Variants in ADGRL3 observed in about 807,000 individuals in gnomAD.
ADGRL3 encodes calcium-independent alpha-latrotoxin receptor 3.
Under a neutral mutation model 153.5 loss-of-function variants are expected in ADGRL3, and 62 were observed. The ratio of observed to expected loss-of-function variants is 0.40; its 90% confidence interval spans 0.33 to 0.50. ADGRL3 has a LOEUF of 0.50. ADGRL3 is among the 20% of genes least tolerant of loss of function. ADGRL3 has a pLI of 0.47. For missense variants in ADGRL3, 1,641 were observed against 1,859.4 expected, an observed-to-expected ratio of 0.88 and a Z score of 2.16; for synonymous variants, 710 against 672.5, an observed-to-expected ratio of 1.06 and a Z score of -0.86.
At chr4:62,064,812 G>A (rs1365702994) in intron 25 of ADGRL3, among the ~76,000 whole-genome samples, 1 of 151,946 alleles carries the variant, frequency 6.6e-6, no homozygotes, top group Non-Finnish European at 1.5e-5. Context: ...GCTTCCCCAG[G>A]AGGCATCTTG....
At chr4:61,514,260 C>T (rs550961973) in intron 3 of ADGRL3, among the ~76,000 whole-genome samples, 12 of 152,036 alleles carry the variant, frequency 7.9e-5, no homozygotes, top group Non-Finnish European at 1.8e-4. Flanking sequence ...CAGAGCAAAA[C>T]CTCTTGACGT....
At chr4:61,728,225 T>C (rs1357856218) in intron 6 of ADGRL3, among the ~76,000 whole-genome samples, 2 of 152,012 alleles carry the variant, frequency 1.3e-5, no homozygotes, top group African/African-American at 4.8e-5. Flanking sequence ...ATGGGCAAGA[T>C]CATAATAATT....
At chr4:61,783,205 G>A (rs2097235530) in intron 8 of ADGRL3, among the ~76,000 whole-genome samples, 1 of 152,040 alleles carries the variant, frequency 6.6e-6, no homozygotes, top group Admixed American at 6.6e-5. Flanking sequence ...GTGGCTTAAG[G>A]GATTCTGTGA....
intron 5 of ADGRL3, among the ~76,000 whole-genome samples, chr4:61,671,220 A>T (rs1391069569): frequency 6.6e-6 from 1 of 152,184 alleles, no homozygotes; most frequent in Non-Finnish European, 1.5e-5. Context: ...TGTTGTGGCA[A>T]ATAGAGGAAA....
intron 4 of ADGRL3, among the ~76,000 whole-genome samples, chr4:61,542,353 T>C (rs1389783467): frequency 6.6e-6 from 1 of 152,190 alleles, no homozygotes; most frequent in Non-Finnish European, 1.5e-5. Flanking sequence ...TGTTTGTAGC[T>C]GCTCAAATAA....
intron 4 of ADGRL3, among the ~76,000 whole-genome samples, chr4:61,566,375 C>A (rs1434977255): frequency 6.6e-6 from 1 of 152,042 alleles, no homozygotes; most frequent in Non-Finnish European, 1.5e-5. Context: ...CTGTAAAGAC[C>A]CTGTCTTCCA....
In ADGRL3 at chr4:61,333,531, G is replaced by A. The variant is rs145808988; in HGVS notation, c.-239-49593G>A. The stretch of plus-strand genomic sequence containing the variant: ...ACTTATTTAAATTTTTAGTTTTATG[G>A]CATTTCTTAATCTTAGTATTACCAA... On this transcript the variant is annotated intron_variant, in intron 1 of 26. Coordinates refer to ENST00000683033, the MANE Select transcript of ADGRL3 (RefSeq NM_001387552.1). 3.0e-3 allele frequency among the ~76,000 whole-genome samples: 451 copies of A among 151,972 alleles called. 3 individuals are homozygous for A. Among genetic ancestry groups the A allele is most frequent in the Middle Eastern group, 0.01 (3 of 292 alleles).
rs150787794 is a variant in ADGRL3 at position 61,481,120 on chromosome 4, G to A, written c.-173-16001G>A. Among the ~76,000 whole-genome samples, 12 of 152,238 alleles carry A rather than the reference G, an allele frequency of 7.9e-5. No homozygotes were observed. The South Asian group carries it at 1.0e-3, about 13-fold the overall frequency. On this transcript the variant is annotated intron_variant, in intron 2 of 26. Coordinates refer to ENST00000683033, the MANE Select transcript of ADGRL3 (RefSeq NM_001387552.1). ...AGCCAGGGTTTCAAATTATATAATT[G>A]CAATGACCTAATTAATACAATGACC...
intron 23 of ADGRL3, among the ~76,000 whole-genome samples, chr4:62,036,980 T>C (rs1181897963): frequency 6.6e-6 from 1 of 152,030 alleles, no homozygotes; most frequent in East Asian, 1.9e-4. Flanking sequence ...CAGCTAAAAC[T>C]CTTCTTTTTC....
At position 61,798,531 on chromosome 4, in the gene ADGRL3, T is replaced by C. The variant is rs149233938; in HGVS notation, c.1400-15278T>C. On this transcript the variant is annotated intron_variant, in intron 8 of 26. Coordinates refer to ENST00000683033, the MANE Select transcript of ADGRL3 (RefSeq NM_001387552.1). Reference sequence around the variant, plus strand: ...ATGATTCTTGGCAAAGGTAATATTGTACATCTTCCTCTGCCATATTTAACA... The same window carrying C: ...ATGATTCTTGGCAAAGGTAATATTGCACATCTTCCTCTGCCATATTTAACA... 2.1e-3 allele frequency among the ~76,000 whole-genome samples: 314 copies of C among 152,302 alleles called. 5 individuals carry two copies. The highest frequency in any genetic ancestry group is 5.8e-4 in the East Asian group (3 of 5,184).
At chr4:61,688,566 C>A (rs950807024) in intron 6 of ADGRL3, among the ~76,000 whole-genome samples, 1 of 152,128 alleles carries the variant, frequency 6.6e-6, no homozygotes, top group Non-Finnish European at 1.5e-5. Flanking sequence ...AATGCTCAGT[C>A]TCTCATAGCC....
chr4:61,951,580 G>A (rs1208521237), intron 17 of ADGRL3, among the ~76,000 whole-genome samples: 1 of 152,118 alleles, frequency 6.6e-6, no homozygotes, highest in Non-Finnish European at 1.5e-5. Context: ...CTTTAGATTA[G>A]ACTGGCTGGG....
At chr4:61,495,500 G>A in intron 2 of ADGRL3, among the ~76,000 whole-genome samples, 1 of 151,284 alleles carries the variant, frequency 6.6e-6, no homozygotes, top group East Asian at 1.9e-4. Flanking sequence ...GAAGGGGAAG[G>A]GAAGGGAAGG....
intron 9 of ADGRL3, among the ~76,000 whole-genome samples, chr4:61,862,487 A>T (rs956408798): frequency 3.3e-5 from 5 of 152,156 alleles, no homozygotes; most frequent in African/African-American, 1.2e-4. Context: ...GGACCGGGAT[A>T]TTATGCTGAA....
intron 8 of ADGRL3, among the ~76,000 whole-genome samples, chr4:61,764,155 T>G (rs1282225130): frequency 1.3e-5 from 2 of 152,160 alleles, no homozygotes; most frequent in Non-Finnish European, 2.9e-5. Flanking sequence ...ATAAATTAAT[T>G]TGGTAACACT....
chr4:62,055,989 G>T (rs1213959029), intron 25 of ADGRL3, among the ~76,000 whole-genome samples: 1 of 151,496 alleles, frequency 6.6e-6, no homozygotes, highest in East Asian at 1.9e-4. Context: ...TATATGGAAA[G>T]ATTAATGAAC....
intron 1 of ADGRL3, among the ~76,000 whole-genome samples, chr4:61,366,857 G>A (rs948624072): frequency 1.9e-4 from 29 of 152,102 alleles, no homozygotes; most frequent in Non-Finnish European, 1.5e-5. Context: ...CAAGACTGTT[G>A]TGTACTGTTA....
At chr4:62,039,960 C>A (rs1415095613) in intron 24 of ADGRL3, among the ~76,000 whole-genome samples, 2 of 152,046 alleles carry the variant, frequency 1.3e-5, no homozygotes, top group Non-Finnish European at 2.9e-5. Flanking sequence ...CAGAGTTGTG[C>A]AATGTTTAGC....
chr4:61,998,046 A>G (rs1162921860), intron 20 of ADGRL3, 128 bp from the exon 21 acceptor site: 2 of 459,310 alleles, frequency 4.4e-6, no homozygotes, highest in South Asian at 4.9e-5. Context: ...GCAGTCATCT[A>G]CGATCCAATT....
Sources: allele counts gnomAD v4.1 joint callset (sites outside exome capture counted in the v4.1 genomes callset), GRCh38; gene constraint gnomAD v4.1.1; transcripts MANE v1.5; gene names NCBI Gene and HGNC (gene_info 2026-07-23, HGNC 2026-07-21).